The following MINDY3 variants were observed in gnomAD, a reference collection of about 807,000 sequenced individuals.
The protein encoded by MINDY3 is ubiquitin carboxyl-terminal hydrolase MINDY-3.
In MINDY3, 38 loss-of-function variants were observed where a neutral mutation model predicts 69.2. The ratio of observed to expected loss-of-function variants is 0.55; its 90% CI spans 0.42 to 0.72. MINDY3 has a LOEUF of 0.72. MINDY3 is among the 30% of genes least tolerant of loss of function. The pLI, the probability that MINDY3 is intolerant of heterozygous loss-of-function variation, is 0.00. For missense variants in MINDY3, 522 were observed against 519.0 expected (o/e 1.01, Z -0.06); for synonymous variants, 192 against 180.1 (o/e 1.07, Z -0.53).
intron 13 of MINDY3, among the ~76,000 whole-genome samples, chr10:15,782,748 C>T (rs1836644533): frequency 6.6e-6 from 1 of 152,054 alleles, no homozygotes; most frequent in African/African-American, 2.4e-5. Context: ...GTGAAAAGAG[C>T]ACTGTGAGAA....
intron 5 of MINDY3, chr10:15,837,576 G>A (rs1833175260): frequency 7.2e-7 from 1 of 1,385,356 alleles, no homozygotes; most frequent in African/African-American, 1.5e-5. Context: ...TAGGTGAACT[G>A]TCTGGCATCA....
intron 1 of MINDY3, among the ~76,000 whole-genome samples, chr10:15,857,370 T>G (rs1377729007): frequency 1.3e-5 from 2 of 152,174 alleles, no homozygotes; most frequent in Non-Finnish European, 2.9e-5. Context: ...TTTCCTCATC[T>G]TCAAACTATT....
intron 2 of MINDY3, 58 bp downstream of exon 2, chr10:15,847,806 C>G: frequency 2.4e-6 from 3 of 1,238,958 alleles, no homozygotes; most frequent in Non-Finnish European, 3.6e-6. Context: ...TAGAAAACGA[C>G]AAGTATGAAA....
At chr10:15,798,033 C>T (rs1217605909) in intron 10 of MINDY3, among the ~76,000 whole-genome samples, 3 of 152,122 alleles carry the variant, frequency 2.0e-5, no homozygotes, top group Non-Finnish European at 4.4e-5. Flanking sequence ...GGGGAACTTA[C>T]AGGGGCACAA....
At position 15,804,623 on chromosome 10, in the gene MINDY3, A is replaced by G. The variant is rs577254956; in HGVS notation, c.883-8451T>C. Among the ~76,000 whole-genome samples, 55 of 152,296 alleles carry G rather than the reference A, an allele frequency of 3.6e-4. No individual in the cohort carries two copies. In the South Asian group the frequency reaches 0.011, roughly 31 times the overall value. On this transcript the variant is annotated intron_variant, in intron 10 of 14. Coordinates refer to ENST00000277632, the MANE Select transcript of MINDY3 (RefSeq NM_024948.4). Reference sequence around the variant, plus strand: ...TTGCAGACAACATATTATAGTGTTTAAAGTCCCTCCAATAAATAAATAAAA... The same window carrying G: ...TTGCAGACAACATATTATAGTGTTTGAAGTCCCTCCAATAAATAAATAAAA...
chr10:15,783,294 C>T (rs1836696169), intron 13 of MINDY3, among the ~76,000 whole-genome samples: 1 of 152,170 alleles, frequency 6.6e-6, no homozygotes, highest in Non-Finnish European at 1.5e-5. Flanking sequence ...CCAATTTAGG[C>T]TGAGGTTCTG....
chr10:15,845,193 C>A (rs1175653322), intron 2 of MINDY3, among the ~76,000 whole-genome samples: 2 of 151,178 alleles, frequency 1.3e-5, no homozygotes, highest in African/African-American at 2.4e-5. Flanking sequence ...CTTCAAAGTG[C>A]TAACAAGTCA....
At position 15,782,164 on chromosome 10, in the gene MINDY3, A is replaced by G. The variant is rs768314299; in HGVS notation, c.1179T>C (p.Tyr393=). 2 of 1,608,304 alleles carry G rather than the reference A, an allele frequency of 1.2e-6. No individual in the cohort carries two copies. Among genetic ancestry groups the G allele is most frequent in the Non-Finnish European group, 8.5e-7 (1 of 1,175,988 alleles). The change falls in exon 14 of 15, where the codon TAT becomes TAC. Residue 393 remains tyrosine (Y), a synonymous_variant. Transcript: ENST00000277632. ...ACGTGAATTATCATACCTTTTCATT[A>G]TAATTTGACTGCTTCAATCCATTGT... is the stretch of plus-strand genomic sequence containing the variant. ...YHYNGLKQSN[Y]NEKVMYVEGT... is the part of the protein sequence containing the mutation.
chr10:15,830,066 T>C (rs1257809357), intron 8 of MINDY3, among the ~76,000 whole-genome samples: 1 of 152,124 alleles, frequency 6.6e-6, no homozygotes, highest in African/African-American at 2.4e-5. Context: ...GACAGTAAGG[T>C]ACAAATAACT....
chr10:15,849,936 C>G (rs1392859865), intron 1 of MINDY3, among the ~76,000 whole-genome samples: 3 of 152,224 alleles, frequency 2.0e-5, no homozygotes, highest in Admixed American at 1.3e-4. Context: ...CCTCACTAAT[C>G]TGGTTTTCAA....
chr10:15,808,050 TG>T (rs1838754107), intron 10 of MINDY3, among the ~76,000 whole-genome samples: 1 of 152,200 alleles, frequency 6.6e-6, no homozygotes. Flanking sequence ...AAAGAGTTTG[TG>T]ATTAAAAATT....
At chr10:15,794,001 T>TTAATTATTCCTAATATAA (rs1400502490) in intron 11 of MINDY3, among the ~76,000 whole-genome samples, 1 of 152,106 alleles carries the variant, frequency 6.6e-6, no homozygotes, top group East Asian at 1.9e-4. Context: ...ATTAGGAATA[T>TTAATTATTCCTAATATAA]ACCCACAGCA....
intron 2 of MINDY3, among the ~76,000 whole-genome samples, chr10:15,846,958 T>C (rs1246628968): frequency 6.6e-6 from 1 of 152,086 alleles, no homozygotes; most frequent in Non-Finnish European, 1.5e-5. Flanking sequence ...CTCCTGACCA[T>C]GTGATCCACC....
intron 11 of MINDY3, among the ~76,000 whole-genome samples, chr10:15,794,655 T>G (rs1837672002): frequency 6.6e-6 from 1 of 152,116 alleles, no homozygotes; most frequent in Non-Finnish European, 1.5e-5. Context: ...AAAATTGCAC[T>G]GATTATAAAT....
At chr10:15,787,609 T>A (rs4748207) in intron 12 of MINDY3, among the ~76,000 whole-genome samples, 1 of 152,088 alleles carries the variant, frequency 6.6e-6, no homozygotes, top group Non-Finnish European at 1.5e-5. Flanking sequence ...GGGTAAGCTA[T>A]GTTTTAAGGT....
intron 1 of MINDY3, among the ~76,000 whole-genome samples, chr10:15,849,992 AC>A (rs549372835): frequency 1.1e-3 from 160 of 152,300 alleles, no homozygotes; most frequent in African/African-American, 3.8e-3. Flanking sequence ...GAATGGAGGG[AC>A]CTGCTGAAGC....
intron 8 of MINDY3, among the ~76,000 whole-genome samples, chr10:15,830,372 T>A (rs1840374229): frequency 6.6e-6 from 1 of 152,214 alleles, no homozygotes; most frequent in East Asian, 1.9e-4. Flanking sequence ...CCTGTGATAA[T>A]CATTCCCGTT....
chr10:15,852,979 T>C (rs1021827394), intron 1 of MINDY3, among the ~76,000 whole-genome samples: 1 of 152,148 alleles, frequency 6.6e-6, no homozygotes, highest in Non-Finnish European at 1.5e-5. Context: ...ATCTAGAGAT[T>C]ATTTAAAGTG....
At position 15,778,974 on chromosome 10, in the gene MINDY3, TATAA is replaced by T. The variant is rs1324858814; in HGVS notation, c.*14_*17del. Reference sequence around the variant, plus strand: ...CAACATCTGTTATTAAGATCTTCCTTATAAATACTTAGACAAATTAATTTAGTGA... The same window carrying T: ...CAACATCTGTTATTAAGATCTTCCTTATACTTAGACAAATTAATTTAGTGA... On this transcript the variant is annotated 3_prime_UTR_variant, in exon 15 of 15. Coordinates refer to ENST00000277632, the MANE Select transcript of MINDY3 (RefSeq NM_024948.4). The T allele has an allele frequency of 1.9e-6, 3 of 1,605,868 alleles. No individual in the cohort carries two copies. Among genetic ancestry groups the T allele is most frequent in the Non-Finnish European group, 2.6e-6 (3 of 1,174,916 alleles).
Sources: allele counts gnomAD v4.1 joint callset (sites outside exome capture counted in the v4.1 genomes callset), GRCh38; gene constraint gnomAD v4.1.1; transcripts MANE v1.5; gene names NCBI Gene and HGNC (gene_info 2026-07-23, HGNC 2026-07-21).